Variants in STIM2 observed in about 807,000 individuals in gnomAD.
STIM2 encodes the protein stromal interaction molecule 2.
In STIM2, 31 loss-of-function variants were observed where a neutral mutation model predicts 85.8. That is an observed-to-expected ratio of 0.36 (90% confidence interval 0.27 to 0.49). The LOEUF (loss-of-function observed/expected upper bound fraction) is 0.49. Among genes scored for constraint, STIM2 ranks in the 20% least tolerant of loss-of-function variants. The probability of loss-of-function intolerance (pLI) is 0.98; values close to 1 mark genes in which losing one functional copy is unlikely to be tolerated. For missense variants in STIM2, 841 were observed against 927.6 expected (o/e 0.91, Z 1.21); for synonymous variants, 356 against 331.1 (o/e 1.08, Z -0.82).
intron 1 of STIM2, among the ~76,000 whole-genome samples, chr4:26,913,368 A>G (rs956593840): frequency 2.0e-5 from 3 of 152,230 alleles, no homozygotes; most frequent in African/African-American, 4.8e-5. Context: ...TTTCGACTTC[A>G]TGGAGTTTTC....
At position 26,995,363 on chromosome 4, in the gene STIM2, CT is replaced by C; in HGVS notation, c.398-12del. 2.1e-6 allele frequency: 3 copies of C among 1,461,630 alleles called. No homozygotes were observed. Among genetic ancestry groups the C allele is most frequent in the Non-Finnish European group, 2.8e-6 (3 of 1,077,374 alleles). The allele number at this position is 1,461,630 out of a possible 1,614,324, so 90.5% of individuals were successfully genotyped here. A position where few individuals can be genotyped will look rare whatever the true frequency, so the allele number is the denominator to read the frequency against. On this transcript the variant is annotated splice_polypyrimidine_tract_variant and intron_variant, in intron 3 of 11. Coordinates refer to ENST00000467087, the MANE Select transcript of STIM2 (RefSeq NM_020860.4). ...AGGTGTGTTTAAAATATGCATTCCC[CT>C]TTTATCTCCTGCAGTTCATAATTGG...
intron 3 of STIM2, among the ~76,000 whole-genome samples, chr4:26,992,717 A>AT (rs1727810628): frequency 6.6e-6 from 1 of 152,100 alleles, no homozygotes; most frequent in Non-Finnish European, 1.5e-5. Context: ...GTCCTAAGAA[A>AT]TGAAAGACAA....
rs185288761 is a variant in STIM2 at position 26,880,573 on chromosome 4, G to T, written c.151+19204G>T. Among the ~76,000 whole-genome samples the T allele has an allele frequency of 4.5e-3, 555 of 122,216 alleles. 3 individuals are homozygous for T. The highest frequency in any genetic ancestry group is 0.017 in the African/African-American group (535 of 31,066). The allele number at this position is 122,216 out of a possible 152,430, so 80.2% of individuals were successfully genotyped here. A position where few individuals can be genotyped will look rare whatever the true frequency, so the allele number is the denominator to read the frequency against. On this transcript the variant is annotated intron_variant, in intron 1 of 11. Coordinates refer to ENST00000467087, the MANE Select transcript of STIM2 (RefSeq NM_020860.4). ...ATAAAACTTTTTGGATGAATGCCTT[G>T]GTTCATACCTTTTGTGCATAAACCT...
At chr4:26,945,830 C>T (rs373552546) in intron 2 of STIM2, among the ~76,000 whole-genome samples, 10 of 151,880 alleles carry the variant, frequency 6.6e-5, no homozygotes, top group African/African-American at 2.4e-4. Flanking sequence ...TATTTGGGAA[C>T]TTTTCGTACT....
rs114373429 is a variant in STIM2 at position 26,982,308 on chromosome 4, C to T, written c.398-13071C>T. Among the ~76,000 whole-genome samples the T allele has an allele frequency of 9.4e-3, 1,433 of 152,164 alleles. 16 individuals carry two copies. Among genetic ancestry groups the T allele is most frequent in the African/African-American group, 0.033 (1,366 of 41,518 alleles). ...ATCTTCTGCATTTATTCATTTATATCCTATTTTATTCAGTCAGTTTTGAGT... is the reference window on the plus strand; with the variant it reads ...ATCTTCTGCATTTATTCATTTATATTCTATTTTATTCAGTCAGTTTTGAGT... On this transcript the variant is annotated intron_variant, in intron 3 of 11. Coordinates refer to ENST00000467087, the MANE Select transcript of STIM2 (RefSeq NM_020860.4).
intron 11 of STIM2, among the ~76,000 whole-genome samples, chr4:27,018,448 G>C (rs1728807779): frequency 6.6e-6 from 1 of 152,246 alleles, no homozygotes; most frequent in East Asian, 1.9e-4. Flanking sequence ...TTCCTCCTTT[G>C]CTTTGAGTCT....
intron 1 of STIM2, among the ~76,000 whole-genome samples, chr4:26,886,224 T>A (rs1242727683): frequency 6.6e-6 from 1 of 152,160 alleles, no homozygotes; most frequent in Non-Finnish European, 1.5e-5. Context: ...TAGGAGCATA[T>A]TCATATAACT....
At chr4:26,960,625 A>G (rs190761654) in intron 3 of STIM2, among the ~76,000 whole-genome samples, 9 of 152,344 alleles carry the variant, frequency 5.9e-5, no homozygotes, top group African/African-American at 2.2e-4. Context: ...CATTTCTGTT[A>G]TTAGACATTA....
At chr4:27,004,982 G>A (rs1472892532) in intron 7 of STIM2, among the ~76,000 whole-genome samples, 1 of 152,090 alleles carries the variant, frequency 6.6e-6, no homozygotes, top group Non-Finnish European at 1.5e-5. Flanking sequence ...TAACTTACTT[G>A]CCTTGGGTTA....
intron 11 of STIM2, chr4:27,019,711 C>G (rs1246089587): frequency 2.8e-6 from 1 of 351,708 alleles, no homozygotes; most frequent in Non-Finnish European, 5.5e-6. Context: ...CGGAGTCTCG[C>G]TCTGTTGGAA....
At chr4:27,007,372 G>C (rs1456304107) in intron 7 of STIM2, among the ~76,000 whole-genome samples, 161 bp from the exon 8 acceptor site, 3 of 142,600 alleles carry the variant, frequency 2.1e-5, no homozygotes, top group Non-Finnish European at 4.5e-5. Context: ...TAATTTTAAT[G>C]CTAGAAATCT....
At chr4:26,897,828 T>A (rs1560199386) in intron 1 of STIM2, among the ~76,000 whole-genome samples, 1 of 152,194 alleles carries the variant, frequency 6.6e-6, no homozygotes, top group Non-Finnish European at 1.5e-5. Context: ...TGCAGAGGTG[T>A]GAACATGGCT....
At chr4:27,003,951 TAATG>T (rs779331871) in intron 7 of STIM2, among the ~76,000 whole-genome samples, 4 of 152,192 alleles carry the variant, frequency 2.6e-5, no homozygotes, top group African/African-American at 4.8e-5. Context: ...TCTTTACTGA[TAATG>T]AAACTGAAGA....
Position 26,897,251 on chromosome 4 carries a change from G to T in STIM2, c.152-22253G>T, listed in dbSNP as rs77462999. Among the ~76,000 whole-genome samples the T allele has an allele frequency of 1.4e-3, 208 of 152,272 alleles. 1 individual carries two copies. The highest frequency in any genetic ancestry group is 4.7e-3 in the African/African-American group (196 of 41,560). ...ATCATTTTACATTCCCAACAGCAAA[G>T]TATGAGAGAGAGAGTTTCTCTGCAT... On this transcript the variant is annotated intron_variant, in intron 1 of 11. Coordinates refer to ENST00000467087, the MANE Select transcript of STIM2 (RefSeq NM_020860.4).
intron 3 of STIM2, among the ~76,000 whole-genome samples, chr4:26,976,299 A>T (rs1027887019): frequency 6.6e-6 from 1 of 151,834 alleles, no homozygotes; most frequent in Non-Finnish European, 1.5e-5. Context: ...TACCTATTGG[A>T]AATGCAGAAA....
At chr4:27,016,105 T>C (rs1728723590) in intron 10 of STIM2, among the ~76,000 whole-genome samples, 1 of 152,148 alleles carries the variant, frequency 6.6e-6, no homozygotes, top group Non-Finnish European at 1.5e-5. Context: ...AACTCATCCT[T>C]TGAATTTTTA....
chr4:26,981,559 T>C (rs1395352105), intron 3 of STIM2, among the ~76,000 whole-genome samples: 4 of 152,180 alleles, frequency 2.6e-5, no homozygotes, highest in Non-Finnish European at 4.4e-5. Flanking sequence ...TACCCTCCGC[T>C]CCCCTTCCAG....
At chr4:26,956,145 T>C (rs1394957761) in intron 2 of STIM2, among the ~76,000 whole-genome samples, 4 of 151,990 alleles carry the variant, frequency 2.6e-5, no homozygotes, top group Admixed American at 6.6e-5. Flanking sequence ...TGTGATCTTA[T>C]AGTTTTGGAA....
At chr4:26,968,241 C>G (rs1021155394) in intron 3 of STIM2, among the ~76,000 whole-genome samples, 1 of 151,810 alleles carries the variant, frequency 6.6e-6, no homozygotes, top group African/African-American at 2.4e-5. Context: ...CATGCACACT[C>G]ACACACACAC....
Sources: allele counts gnomAD v4.1 joint callset (sites outside exome capture counted in the v4.1 genomes callset), GRCh38; gene constraint gnomAD v4.1.1; transcripts MANE v1.5; gene names NCBI Gene and HGNC (gene_info 2026-07-23, HGNC 2026-07-21).